The following WDR26 variants were observed in gnomAD, a reference collection of about 807,000 sequenced individuals.
WDR26 encodes WD repeat-containing protein 26.
In WDR26, 5 loss-of-function variants were observed where a neutral mutation model predicts 84.1. The ratio of observed to expected loss-of-function variants is 0.06; its 90% CI spans 0.03 to 0.13. WDR26 has a LOEUF of 0.13. WDR26 is among the 10% of genes least tolerant of loss of function. WDR26 has a pLI of 1.00. For synonymous variants in WDR26, 415 were observed against 389.6 expected (o/e 1.07, Z -0.77); for missense variants, 642 against 974.9 (o/e 0.66, Z 4.55).
At chr1:224,393,674 C>G (rs11812007) in intron 13 of WDR26, among the ~76,000 whole-genome samples, 154 bp downstream of exon 13, 14,295 of 152,168 alleles carry the variant, frequency 0.094, 2,119 homozygotes, top group African/African-American at 0.31. Context: ...ACTACTTAAA[C>G]TCATTCTGTG....
Position 224,433,646 on chromosome 1 carries a change from G to T in WDR26, c.722+38C>A, listed in dbSNP as rs1348049754. On this transcript the variant is annotated intron_variant, in intron 1 of 13. Transcript: ENST00000414423. The stretch of plus-strand genomic sequence containing the variant: ...TACCCCCCTGGAGCCTCCGTCCCTC[G>T]GTCTGTCCATCACCAGCTGGCGGTA... The T allele has an allele frequency of 7.1e-6, 9 of 1,270,646 alleles. No homozygotes were observed. The African/African-American group carries it at 1.5e-4, about 21-fold the overall frequency. The allele number at this position is 1,270,646 out of a possible 1,614,324, so 78.7% of individuals were successfully genotyped here.
intron 12 of WDR26, 65 bp downstream of exon 12, chr1:224,398,032 C>T: frequency 6.4e-7 from 1 of 1,568,604 alleles, no homozygotes; most frequent in Non-Finnish European, 8.6e-7. Flanking sequence ...ACATGACTGC[C>T]TTCATAAATT....
At chr1:224,392,306 A>G (rs1166489904) in intron 13 of WDR26, among the ~76,000 whole-genome samples, 1 of 151,926 alleles carries the variant, frequency 6.6e-6, no homozygotes. Context: ...GCTTGCAGTG[A>G]GCCGAGATCG....
intron 9 of WDR26, among the ~76,000 whole-genome samples, chr1:224,400,396 A>AT (rs1319225256): frequency 6.6e-6 from 1 of 152,092 alleles, no homozygotes; most frequent in Non-Finnish European, 1.5e-5. Context: ...AGCAAAACAC[A>AT]TTTTTTTGTT....
At chr1:224,405,412 T>C (rs973465331) in intron 7 of WDR26, among the ~76,000 whole-genome samples, 11 of 152,232 alleles carry the variant, frequency 7.2e-5, no homozygotes, top group Admixed American at 6.5e-4. Flanking sequence ...TAGACATATG[T>C]TTCCATTTCT....
chr1:224,421,613 GA>G (rs750396847), intron 4 of WDR26, among the ~76,000 whole-genome samples: 17 of 152,090 alleles, frequency 1.1e-4, no homozygotes, highest in Non-Finnish European at 2.1e-4. Flanking sequence ...ATCGGAACAA[GA>G]AATTTGTCAG....
chr1:224,399,758 A>G lies in WDR26; in HGVS notation c.1720-724T>C, dbSNP rs1295406395. 2.0e-5 allele frequency among the ~76,000 whole-genome samples: 3 copies of G among 152,326 alleles called. No individual in the cohort carries two copies. The South Asian group carries it at 6.2e-4, about 32-fold the overall frequency. ...GTTCCAAACGAGCTTAATAAAAGAA[A>G]CTGATAACCTGTTTTAGCTAAATTA... On this transcript the variant is annotated intron_variant, in intron 9 of 13. Coordinates refer to ENST00000414423, the MANE Select transcript of WDR26 (RefSeq NM_001379403.1).
At chr1:224,417,584 T>C (rs1673942194) in intron 6 of WDR26, among the ~76,000 whole-genome samples, 1 of 152,186 alleles carries the variant, frequency 6.6e-6, no homozygotes, top group Non-Finnish European at 1.5e-5. Context: ...CATGCCTATA[T>C]AGTCCTAGCT....
At chr1:224,426,136 G>A (rs141592641) in intron 3 of WDR26, among the ~76,000 whole-genome samples, 110 of 152,198 alleles carry the variant, frequency 7.2e-4, no homozygotes, top group Admixed American at 2.0e-3. Context: ...GGGATTACAG[G>A]CATGAGACAC....
At position 224,385,862 on chromosome 1, in the gene WDR26, T is replaced by G. The variant is rs1331593665; in HGVS notation, c.*3973A>C. On this transcript the variant is annotated 3_prime_UTR_variant, in exon 14 of 14. Coordinates refer to ENST00000414423, the MANE Select transcript of WDR26 (RefSeq NM_001379403.1). ...AAATATACCAGTATTAACCAAACCT[T>G]AAACTCAGAGGGCACTTCACATGTG... 1 of 152,412 alleles carries G rather than the reference T, an allele frequency of 6.6e-6. No individual in the cohort carries two copies. The highest frequency in any genetic ancestry group is 6.5e-5 in the Admixed American group (1 of 15,268). 9.4% of individuals were successfully genotyped at this position (152,412 alleles called of 1,614,324 possible).
chr1:224,405,125 G>A (rs1673517541), intron 7 of WDR26, among the ~76,000 whole-genome samples: 1 of 152,104 alleles, frequency 6.6e-6, no homozygotes, highest in South Asian at 2.1e-4. Context: ...ACTACTTTCT[G>A]TCTCTGTCTC....
chr1:224,407,151 A>AAAAAAAAAATATATATATAT, intron 7 of WDR26, among the ~76,000 whole-genome samples: 2 of 11,874 alleles, frequency 1.7e-4, no homozygotes, highest in Non-Finnish European at 2.8e-4. Flanking sequence ...AAAAAAAAAA[A>AAAAAAAAAATATATATATAT]ATATATATAT....
rs183325312 is a variant in WDR26 at position 224,410,583 on chromosome 1, A to C, written c.1458+844T>G. On this transcript the variant is annotated intron_variant, in intron 7 of 13. Coordinates refer to ENST00000414423, the MANE Select transcript of WDR26 (RefSeq NM_001379403.1). ...AAACAAAGGGGGAAAGGATTACACA[A>C]CAAGGTCCACAAATTATACAAGATA... is the stretch of plus-strand genomic sequence containing the variant. Among the ~76,000 whole-genome samples the C allele has an allele frequency of 3.7e-4, 56 of 152,240 alleles. No individual in the cohort carries two copies. The South Asian group carries it at 4.6e-3, about 12-fold the overall frequency.
At chr1:224,392,380 T>C (rs1260707993) in intron 13 of WDR26, among the ~76,000 whole-genome samples, 3 of 151,776 alleles carry the variant, frequency 2.0e-5, no homozygotes, top group East Asian at 1.9e-4. Context: ...AAAGAAAACA[T>C]ATCCTCTTCT....
chr1:224,407,808 C>A (rs1260828019), intron 7 of WDR26, among the ~76,000 whole-genome samples: 2 of 151,772 alleles, frequency 1.3e-5, no homozygotes, highest in Non-Finnish European at 2.9e-5. Flanking sequence ...CGCACCCGGC[C>A]AAAAAGAACA....
At chr1:224,413,425 G>T in intron 6 of WDR26, 1 of 496,746 alleles carries the variant, frequency 2.0e-6, no homozygotes, top group Non-Finnish European at 3.0e-6. Flanking sequence ...TTTGCAGGCT[G>T]TTTTAAACTT....
rs566292818 is a variant in WDR26, at chr1:224,385,329, A to T, written c.*4506T>A. On this transcript the variant is annotated 3_prime_UTR_variant, in exon 14 of 14. Coordinates refer to ENST00000414423, the MANE Select transcript of WDR26 (RefSeq NM_001379403.1). ...TAATACATTACACATTTATAAAATA[A>T]AAGTCAACAAAGGGTGTTTTGTAAA... The T allele has an allele frequency of 9.2e-5, 14 of 152,360 alleles. No individual in the cohort carries two copies. The East Asian group carries it at 2.3e-3, about 25-fold the overall frequency. 9.4% of individuals were successfully genotyped at this position (152,360 alleles called of 1,614,324 possible).
chr1:224,432,373 C>G lies in WDR26; in HGVS notation c.723-592G>C, dbSNP rs147903991. On this transcript the variant is annotated intron_variant, in intron 1 of 13. Transcript: ENST00000414423. ...GCTGCTGTCAGCTTGCTTCTTGTCT[C>G]AGTAATATGTTCTGTTAGCATTTAC... Among the ~76,000 whole-genome samples the G allele has an allele frequency of 3.2e-3, 492 of 152,238 alleles. 3 individuals carry two copies. The highest frequency in any genetic ancestry group is 0.011 in the African/African-American group (470 of 41,560).
chr1:224,434,616 TCGCGCCGGGGGG>T lies in WDR26; in HGVS notation c.-223_-212del, dbSNP rs936899441. 30 of 460,750 alleles carry T rather than the reference TCGCGCCGGGGGG, an allele frequency of 6.5e-5. No homozygotes were observed. Among genetic ancestry groups the T allele is most frequent in the East Asian group, 1.8e-4 (1 of 5,422 alleles). The allele number at this position is 460,750 out of a possible 1,614,324, so 28.5% of individuals were successfully genotyped here. ...CAGCTCGGGGTGCGCGGCCCGGGGG[TCGCGCCGGGGGG>T]CGCCGCGGGGCGGCTGCGGGGGCGC... is the stretch of plus-strand genomic sequence containing the variant. On this transcript the variant is annotated 5_prime_UTR_variant, in exon 1 of 14. Transcript: ENST00000414423.
Sources: allele counts gnomAD v4.1 joint callset (sites outside exome capture counted in the v4.1 genomes callset), GRCh38; gene constraint gnomAD v4.1.1; transcripts MANE v1.5; gene names NCBI Gene and HGNC (gene_info 2026-07-23, HGNC 2026-07-21).